Variants in CENPS observed in about 807,000 individuals in gnomAD.
The protein encoded by CENPS is centromere protein S.
A neutral mutation model predicts 17.9 loss-of-function variants in CENPS; 16 were observed. That is an observed-to-expected ratio of 0.90 (90% CI 0.61 to 1.36). CENPS has a LOEUF of 1.36. Among genes scored for constraint, CENPS ranks in the 40% most tolerant of loss-of-function variants. The pLI, the probability that CENPS is intolerant of heterozygous loss-of-function variation, is 0.00. For missense variants in CENPS, 160 were observed against 158.6 expected, an observed-to-expected ratio of 1.01 and a Z score of -0.05; for synonymous variants, 49 against 55.8, an observed-to-expected ratio of 0.88 and a Z score of 0.54.
rs950865178 is a variant in CENPS at position 10,430,681 on chromosome 1, C to G, written c.51+113C>G. The G allele has an allele frequency of 7.0e-6, 10 of 1,423,586 alleles. No homozygotes were observed. In the East Asian group the frequency reaches 1.7e-4, roughly 25 times the overall value. 88.2% of individuals were successfully genotyped at this position (1,423,586 alleles called of 1,614,324 possible). A position where few individuals can be genotyped will look rare whatever the true frequency, so the allele number is the denominator to read the frequency against. On this transcript the variant is annotated intron_variant, in intron 1 of 4. Coordinates refer to ENST00000309048, the MANE Select transcript of CENPS (RefSeq NM_199294.3). ...CTCATCGGCACCCCGCCCCCGGGCG[C>G]CCCCCGCGGCTGCGCATGCGTTGGC...
chr1:10,442,449 C>T lies in CENPS; in HGVS notation c.*44C>T. On this transcript the variant is annotated 3_prime_UTR_variant, in exon 5 of 5. Coordinates refer to ENST00000309048, the MANE Select transcript of CENPS (RefSeq NM_199294.3). ...AAGTGCAGCCTTCTACAGGTAGAGC[C>T]ACCTAGAAATGCATATGGCTGCAAA... 6.7e-7 allele frequency: 1 copy of T among 1,491,844 alleles called. No individual in the cohort carries two copies. The highest frequency in any genetic ancestry group is 8.9e-7 in the Non-Finnish European group (1 of 1,127,778). The allele number at this position is 1,491,844 out of a possible 1,614,324, so 92.4% of individuals were successfully genotyped here. A position where few individuals can be genotyped will look rare whatever the true frequency, so the allele number is the denominator to read the frequency against.
chr1:10,442,101 A>G (rs1640442154), intron 4 of CENPS, among the ~76,000 whole-genome samples, 164 bp from the exon 5 acceptor site: 1 of 150,294 alleles, frequency 6.7e-6, no homozygotes. Context: ...GAAAAAAAAA[A>G]TTGAAGCTGC....
chr1:10,434,816 C>A, intron 3 of CENPS, 126 bp downstream of exon 3: 1 of 1,314,716 alleles, frequency 7.6e-7, no homozygotes, highest in Non-Finnish European at 1.0e-6. Flanking sequence ...AGGCTTGTCT[C>A]TAATCATGGT....
chr1:10,431,479 C>G (rs1159005875), intron 1 of CENPS: 31 of 1,452,480 alleles, frequency 2.1e-5, no homozygotes, highest in Non-Finnish European at 2.9e-5. Context: ...ATGCTTCCCT[C>G]CCAGCCCCGC....
rs1012613474 is a variant in CENPS at position 10,433,984 on chromosome 1, C to G, written c.175+19C>G. On this transcript the variant is annotated intron_variant, in intron 2 of 4. Transcript: ENST00000309048. ...CAGTGTGGTATGAAGCTTCGGCCTC[C>G]CCAGCCATGTCTGTAAACCCCAAAG... is the stretch of plus-strand genomic sequence containing the variant. 1.2e-6 allele frequency: 2 copies of G among 1,613,984 alleles called. No homozygotes were observed. Among genetic ancestry groups the G allele is most frequent in the African/African-American group, 2.7e-5 (2 of 75,040 alleles).
At chr1:10,431,246 C>G (rs1273561483) in intron 1 of CENPS, 24 of 1,533,526 alleles carry the variant, frequency 1.6e-5, no homozygotes, top group Non-Finnish European at 3.5e-6. Flanking sequence ...AAAGCAAGAC[C>G]CGGAGTGGCG....
chr1:10,432,075 GT>G (rs1295230705), intron 1 of CENPS, among the ~76,000 whole-genome samples: 1 of 149,720 alleles, frequency 6.7e-6, no homozygotes, highest in African/African-American at 2.5e-5. Context: ...TGCCTACCCT[GT>G]TTTTTTTTGG....
At chr1:10,430,636 C>G (rs1257739269) in intron 1 of CENPS, 68 bp downstream of exon 1, 27 of 1,483,642 alleles carry the variant, frequency 1.8e-5, no homozygotes, top group East Asian at 2.8e-5. Context: ...AGAAAAGTAC[C>G]CGGCAGCCCC....
intron 1 of CENPS, among the ~76,000 whole-genome samples, chr1:10,433,393 G>A (rs190269322): frequency 6.6e-6 from 1 of 152,152 alleles, no homozygotes; most frequent in African/African-American, 2.4e-5. Flanking sequence ...GGGCTGCCAG[G>A]GGCTTGCAGC....
chr1:10,434,624 G>C (rs1378380399), intron 2 of CENPS, 33 bp from the exon 3 acceptor site: 2 of 1,604,356 alleles, frequency 1.2e-6, no homozygotes, highest in African/African-American at 2.7e-5. Context: ...ATGGGAGGGT[G>C]CCTAAAGTGT....
In CENPS at chr1:10,430,581, G is replaced by T. The variant is rs768705279; in HGVS notation, c.51+13G>T. 11 of 1,533,728 alleles carry T rather than the reference G, an allele frequency of 7.2e-6. No homozygotes were observed. Among genetic ancestry groups the T allele is most frequent in the Non-Finnish European group, 7.9e-6 (9 of 1,140,726 alleles). On this transcript the variant is annotated intron_variant, in intron 1 of 4. Transcript: ENST00000309048. ...CTCTTACCAACAGGTACAGGAAAAC[G>T]GGGGTCGGGCTGGGCTGGGGCAGGA...
chr1:10,442,458 A>G lies in CENPS; in HGVS notation c.*53A>G, dbSNP rs765439195. On this transcript the variant is annotated 3_prime_UTR_variant, in exon 5 of 5. Coordinates refer to ENST00000309048, the MANE Select transcript of CENPS (RefSeq NM_199294.3). ...CTTCTACAGGTAGAGCCACCTAGAAATGCATATGGCTGCAAAGGAAACTTT... is the reference window on the plus strand; with the variant it reads ...CTTCTACAGGTAGAGCCACCTAGAAGTGCATATGGCTGCAAAGGAAACTTT... The G allele has an allele frequency of 1.1e-4, 169 of 1,482,608 alleles. No homozygotes were observed. Among genetic ancestry groups the G allele is most frequent in the Non-Finnish European group, 1.4e-4 (161 of 1,122,820 alleles). 91.8% of individuals were successfully genotyped at this position (1,482,608 alleles called of 1,614,324 possible).
intron 3 of CENPS, among the ~76,000 whole-genome samples, chr1:10,438,228 T>C (rs1270214705): frequency 6.6e-6 from 1 of 151,984 alleles, no homozygotes; most frequent in South Asian, 2.1e-4. Flanking sequence ...CACTGCAGTC[T>C]CCGTCTCCTG....
intron 3 of CENPS, among the ~76,000 whole-genome samples, chr1:10,438,593 G>T (rs1174407088): frequency 6.6e-6 from 1 of 152,154 alleles, no homozygotes; most frequent in Non-Finnish European, 1.5e-5. Flanking sequence ...TACAAAGCGT[G>T]TTATATGAAA....
At chr1:10,435,708 T>TACACACACACACACACACACACAC (rs1334818968) in intron 3 of CENPS, among the ~76,000 whole-genome samples, 2 of 143,782 alleles carry the variant, frequency 1.4e-5, no homozygotes, top group Admixed American at 7.1e-5. Context: ...AAATAATATA[T>TACACACACACACACACACACACAC]ATATATATAC....
chr1:10,435,706 T>TACACACACACACACACAC lies in CENPS; in HGVS notation c.209+1017_209+1018insCACACACACACACACACA, dbSNP rs1405520586. On this transcript the variant is annotated intron_variant, in intron 3 of 4. Transcript: ENST00000309048. Reference sequence around the variant, plus strand: ...AAAATTTAAATACTTAAAAATAATATATATATATATACACACACACACACA... The same window carrying TACACACACACACACACAC: ...AAAATTTAAATACTTAAAAATAATATACACACACACACACACACATATATATATACACACACACACACA... Among the ~76,000 whole-genome samples, 206 of 141,834 alleles carry TACACACACACACACACAC rather than the reference T, an allele frequency of 1.5e-3. 2 individuals carry two copies. The highest frequency in any genetic ancestry group is 1.9e-3 in the East Asian group (9 of 4,716). 93.0% of individuals were successfully genotyped at this position (141,834 alleles called of 152,430 possible). A position where few individuals can be genotyped will look rare whatever the true frequency, so the allele number is the denominator to read the frequency against.
chr1:10,431,490 G>C, intron 1 of CENPS: 1 of 1,402,214 alleles, frequency 7.1e-7, no homozygotes. Context: ...CCAGCCCCGC[G>C]ATTGGAGAAT....
intron 3 of CENPS, among the ~76,000 whole-genome samples, chr1:10,438,438 C>A (rs1640269168): frequency 6.6e-6 from 1 of 152,236 alleles, no homozygotes; most frequent in Non-Finnish European, 1.5e-5. Flanking sequence ...AGCCGCCACA[C>A]CTGGCCTGAG....
intron 1 of CENPS, among the ~76,000 whole-genome samples, chr1:10,432,974 C>A (rs1276274998): frequency 5.3e-5 from 8 of 152,176 alleles, no homozygotes; most frequent in African/African-American, 1.9e-4. Flanking sequence ...ATCTGTCTGG[C>A]CTCTATCCTG....
Sources: allele counts gnomAD v4.1 joint callset (sites outside exome capture counted in the v4.1 genomes callset), GRCh38; gene constraint gnomAD v4.1.1; transcripts MANE v1.5; gene names NCBI Gene and HGNC (gene_info 2026-07-23, HGNC 2026-07-21).